LCP2: variants seen among roughly 807,000 people sequenced by gnomAD.
LCP2 encodes the protein lymphocyte cytosolic protein 2.
A neutral mutation model predicts 74.5 loss-of-function variants in LCP2; 29 were observed. The ratio of observed to expected loss-of-function variants is 0.39; its 90% CI spans 0.29 to 0.53. The LOEUF is 0.53. Ranked by LOEUF, LCP2 falls within the 20% of genes least tolerant of loss-of-function variation. LCP2 has a pLI of 0.72. For missense variants in LCP2, 604 were observed against 634.6 expected (o/e 0.95, Z 0.52); for synonymous variants, 228 against 229.5 (o/e 0.99, Z 0.06).
intron 15 of LCP2, chr5:170,258,447 G>T (rs933220520): frequency 1.6e-5 from 6 of 369,152 alleles, no homozygotes; most frequent in Non-Finnish European, 2.9e-5. Context: ...TAACTTGGCA[G>T]AAAATTGTCA....
At chr5:170,274,145 T>G in intron 6 of LCP2, 156 bp downstream of exon 6, 1 of 697,086 alleles carries the variant, frequency 1.4e-6, no homozygotes, top group Non-Finnish European at 2.4e-6. Flanking sequence ...AACTATTTCC[T>G]GTCTGGCCCT....
At chr5:170,284,407 C>T (rs1212375141) in intron 3 of LCP2, among the ~76,000 whole-genome samples, 3 of 149,914 alleles carry the variant, frequency 2.0e-5, no homozygotes, top group East Asian at 1.9e-4. Flanking sequence ...ATTTTACTTT[C>T]GAGAAAGCTG....
At chr5:170,266,772 C>T (rs1431534626) in intron 10 of LCP2, 36 bp downstream of exon 10, 7 of 1,546,130 alleles carry the variant, frequency 4.5e-6, no homozygotes, top group Non-Finnish European at 6.3e-6. Context: ...AACAGCTTAT[C>T]ATTATTACTA....
At chr5:170,263,134 A>G (rs966609120) in intron 10 of LCP2, 142 bp from the exon 11 acceptor site, 63 of 980,808 alleles carry the variant, frequency 6.4e-5, no homozygotes, top group Non-Finnish European at 8.6e-5. Flanking sequence ...GAAACTTCAG[A>G]CTAGGAAGGG....
intron 2 of LCP2, among the ~76,000 whole-genome samples, chr5:170,289,671 T>TTCTTTCTTTCTTTCTTTC (rs1554141414): frequency 7.1e-5 from 6 of 84,130 alleles, no homozygotes; most frequent in East Asian, 4.8e-4. Flanking sequence ...CTTTCTTTCT[T>TTCTTTCTTTCTTTCTTTC]TCTCTCTCTC....
intron 14 of LCP2, 28 bp from the exon 15 acceptor site, chr5:170,258,906 T>C: frequency 1.3e-6 from 2 of 1,519,990 alleles, no homozygotes; most frequent in Non-Finnish European, 1.8e-6. Flanking sequence ...AAAAAAGATA[T>C]TAAGCTATCA....
At chr5:170,264,894 T>A (rs1265927626) in intron 10 of LCP2, among the ~76,000 whole-genome samples, 1 of 152,060 alleles carries the variant, frequency 6.6e-6, no homozygotes, top group Non-Finnish European at 1.5e-5. Context: ...AAAGTTTGGT[T>A]TGGGGTGGAA....
intron 20 of LCP2, among the ~76,000 whole-genome samples, chr5:170,250,075 C>T (rs553880365): frequency 7.2e-5 from 11 of 152,176 alleles, no homozygotes; most frequent in Non-Finnish European, 1.6e-4. Context: ...GTTTCTCATT[C>T]TGGACATGTT....
chr5:170,281,084 G>T (rs1395227032), intron 3 of LCP2, among the ~76,000 whole-genome samples: 1 of 152,176 alleles, frequency 6.6e-6, no homozygotes, highest in Non-Finnish European at 1.5e-5. Context: ...CATTTATGGG[G>T]AGAGGAGGCT....
chr5:170,287,535 C>G (rs1024720086), intron 3 of LCP2, among the ~76,000 whole-genome samples: 14 of 152,216 alleles, frequency 9.2e-5, no homozygotes, highest in African/African-American at 3.4e-4. Flanking sequence ...TATTTCCAAG[C>G]ACTCAGTATC....
chr5:170,255,278 G>A (rs550096862), intron 17 of LCP2, among the ~76,000 whole-genome samples: 9 of 152,226 alleles, frequency 5.9e-5, no homozygotes, highest in African/African-American at 2.2e-4. Flanking sequence ...GTCAGCAGTG[G>A]GATCTCGCCC....
intron 20 of LCP2, among the ~76,000 whole-genome samples, chr5:170,250,137 C>A (rs776569568): frequency 1.3e-5 from 2 of 152,164 alleles, no homozygotes; most frequent in African/African-American, 2.4e-5. Context: ...ATGTTTGGGG[C>A]GTTACCTTCA....
chr5:170,263,580 T>C (rs1471085702), intron 10 of LCP2, among the ~76,000 whole-genome samples: 1 of 152,256 alleles, frequency 6.6e-6, no homozygotes, highest in Admixed American at 6.5e-5. Flanking sequence ...TTTGCTTTTC[T>C]TCTAGAACGG....
intron 19 of LCP2, chr5:170,251,624 T>C (rs1409391154): frequency 2.2e-6 from 1 of 455,978 alleles, no homozygotes; most frequent in Non-Finnish European, 4.4e-6. Context: ...AATAATGACT[T>C]TCCTTTGTTC....
intron 3 of LCP2, 25 bp from the exon 4 acceptor site, chr5:170,275,885 G>A (rs1561973850): frequency 1.9e-6 from 3 of 1,543,212 alleles, no homozygotes; most frequent in Non-Finnish European, 1.8e-6. Context: ...GACAGATGAA[G>A]AGATAAAACC....
chr5:170,255,813 G>A (rs1046073401), intron 17 of LCP2, among the ~76,000 whole-genome samples: 8 of 152,196 alleles, frequency 5.3e-5, no homozygotes, highest in Non-Finnish European at 1.0e-4. Flanking sequence ...GAATCTGCAT[G>A]TTAACACAAT....
intron 19 of LCP2, chr5:170,251,719 C>A: frequency 2.2e-6 from 1 of 452,528 alleles, no homozygotes. Flanking sequence ...GTCTTGGCTT[C>A]AAATTAGAAT....
chr5:170,272,224 G>A (rs750967951), intron 6 of LCP2, among the ~76,000 whole-genome samples: 15 of 152,120 alleles, frequency 9.9e-5, no homozygotes, highest in Non-Finnish European at 1.6e-4. Flanking sequence ...TCAAATGACA[G>A]AATTTTCCTC....
At chr5:170,275,270 A>G (rs1278139890) in intron 5 of LCP2, 50 bp downstream of exon 5, 4 of 1,605,564 alleles carry the variant, frequency 2.5e-6, no homozygotes, top group African/African-American at 1.3e-5. Flanking sequence ...AGAAAACTGA[A>G]ATACCTATCA....
Sources: gnomAD v4.1 joint callset for allele counts (sites outside exome capture counted in the v4.1 genomes callset) on GRCh38, gnomAD v4.1.1 for gene constraint, MANE v1.5 for transcripts, NCBI Gene and HGNC (gene_info 2026-07-23, HGNC 2026-07-21) for gene names.